ABCA8: variants seen among roughly 807,000 people sequenced by gnomAD.
The protein encoded by ABCA8 is ABC-type organic anion transporter ABCA8.
Under a neutral mutation model 192.3 loss-of-function variants are expected in ABCA8, and 177 were observed. The observed-to-expected ratio is 0.92, with a 90% CI of 0.81 to 1.04. ABCA8 has a LOEUF of 1.04. ABCA8 is among the 50% of genes least tolerant of loss of function. The probability of loss-of-function intolerance (pLI) is 0.00; values close to 1 mark genes in which losing one functional copy is unlikely to be tolerated. For missense variants in ABCA8, 1,915 were observed against 1,904.8 expected (o/e 1.01, Z -0.10); for synonymous variants, 642 against 690.2 (o/e 0.93, Z 1.09).
Position 68,895,000 on chromosome 17 carries a change from A to G in ABCA8, c.2778T>C (p.Asp926=). ...GGTGCTCCACAGACTGTATAAAGTC[A>G]TCAATGCTTGCCCCTAAGGTGTAGT... The part of the protein sequence containing the change: ...LIINKTGASI[D]DFIQSVEHQN... Residue 926 remains aspartate (D), a synonymous_variant, in exon 22 of 40, where the codon GAT becomes GAC. Transcript: ENST00000586539. 6.2e-7 allele frequency: 1 copy of G among 1,607,952 alleles called. No individual in the cohort carries two copies. Among genetic ancestry groups the G allele is most frequent in the Non-Finnish European group, 8.5e-7 (1 of 1,177,828 alleles).
intron 1 of ABCA8, among the ~76,000 whole-genome samples, chr17:68,950,222 C>A (rs183973512): frequency 6.6e-6 from 1 of 152,264 alleles, no homozygotes; most frequent in East Asian, 1.9e-4. Context: ...ACATTTCGTG[C>A]TCATAGATAG....
chr17:68,872,201 A>C (rs1421265151), intron 37 of ABCA8, among the ~76,000 whole-genome samples: 1 of 152,032 alleles, frequency 6.6e-6, no homozygotes, highest in Non-Finnish European at 1.5e-5. Flanking sequence ...ACAATGATAG[A>C]CTGGATTAAG....
Position 68,940,819 on chromosome 17 carries a change from T to TG in ABCA8, c.239dup (p.Pro81ThrfsTer12), listed in dbSNP as rs1261535029. On this transcript the variant is annotated frameshift_variant, in exon 4 of 40. Transcript: ENST00000586539. LOFTEE classifies it high-confidence loss of function. ...TCTGTTGGGTCGTGTTGGTGACAGG[T>TG]GTGTATACAACAGAAAATCTGGATT... is the stretch of plus-strand genomic sequence containing the variant. 6.2e-7 allele frequency: 1 copy of TG among 1,613,470 alleles called. No individual in the cohort carries two copies. Among genetic ancestry groups the TG allele is most frequent in the Admixed American group, 1.7e-5 (1 of 59,962 alleles).
At chr17:68,940,467 A>G (rs2068193792) in intron 4 of ABCA8, among the ~76,000 whole-genome samples, 1 of 152,120 alleles carries the variant, frequency 6.6e-6, no homozygotes, top group Non-Finnish European at 1.5e-5. Flanking sequence ...AATGTGCACC[A>G]GTCTGTATAA....
chr17:68,892,462 T>C (rs940991579), intron 23 of ABCA8, among the ~76,000 whole-genome samples: 1 of 152,062 alleles, frequency 6.6e-6, no homozygotes, highest in African/African-American at 2.4e-5. Context: ...GCAGGTAAAG[T>C]AGAATAGAGA....
chr17:68,901,137 CTG>C (rs144116179), intron 21 of ABCA8, among the ~76,000 whole-genome samples: 1,786 of 152,280 alleles, frequency 0.012, 39 homozygotes, highest in African/African-American at 0.04. Flanking sequence ...GTTCACTTCT[CTG>C]AGCATATCTG....
At chr17:68,947,821 G>A (rs979455769) in intron 2 of ABCA8, among the ~76,000 whole-genome samples, 1 of 152,016 alleles carries the variant, frequency 6.6e-6, no homozygotes, top group African/African-American at 2.4e-5. Context: ...GTGGTTTGCT[G>A]CACCTATCAA....
In ABCA8 at chr17:68,906,032, C is replaced by G. The variant is rs376176026; in HGVS notation, c.2398+12G>C. On this transcript the variant is annotated intron_variant, in intron 19 of 39. Transcript: ENST00000586539. ...GTGCTTTTACATAATAATTTTCATG[C>G]ATTTTATTTACCCGATTCATTAATT... 105 of 1,560,728 alleles carry G rather than the reference C, an allele frequency of 6.7e-5. No individual in the cohort carries two copies. The highest frequency in any genetic ancestry group is 8.3e-5 in the Non-Finnish European group (96 of 1,154,224).
chr17:68,938,441 AAG>A (rs1052371434), intron 4 of ABCA8, among the ~76,000 whole-genome samples: 3 of 152,118 alleles, frequency 2.0e-5, no homozygotes, highest in African/African-American at 7.2e-5. Context: ...AAAGGAAAAA[AAG>A]AGGTTATGCA....
At chr17:68,896,225 A>G (rs1234906500) in intron 21 of ABCA8, among the ~76,000 whole-genome samples, 1 of 152,206 alleles carries the variant, frequency 6.6e-6, no homozygotes, top group Non-Finnish European at 1.5e-5. Context: ...GGAGATTGCA[A>G]TTCCCTTGGT....
intron 17 of ABCA8, among the ~76,000 whole-genome samples, chr17:68,915,614 G>T (rs2067335772): frequency 6.6e-6 from 1 of 152,086 alleles, no homozygotes; most frequent in Admixed American, 6.5e-5. Flanking sequence ...TTATCCAAAA[G>T]ACAGGCAATA....
In ABCA8 at chr17:68,911,148, T is replaced by C. The variant is rs1320416916; in HGVS notation, c.2139-3269A>G. On this transcript the variant is annotated intron_variant, in intron 17 of 39. Coordinates refer to ENST00000586539, the MANE Select transcript of ABCA8 (RefSeq NM_001288985.2). The surrounding 1 kb of genome is among the most constrained non-coding windows in gnomAD (Gnocchi z 5.7). ...AGCACCAAGCGGACTCCTGGGGTCC[T>C]GGATTCTAGGCCTTGGCTCCTGGAT... Among the ~76,000 whole-genome samples, 1 of 152,148 alleles carries C rather than the reference T, an allele frequency of 6.6e-6. No individual in the cohort carries two copies. Among genetic ancestry groups the C allele is most frequent in the Non-Finnish European group, 1.5e-5 (1 of 68,016 alleles).
In ABCA8 at chr17:68,940,927, C is replaced by A; in HGVS notation, c.132G>T (p.Leu44Phe). The change falls in exon 4 of 40, where the codon TTG becomes TTT. Residue 44 changes from leucine to phenylalanine, a missense_variant. By Grantham distance (22) the Leu-to-Phe change is conservative. Coordinates refer to ENST00000586539, the MANE Select transcript of ABCA8 (RefSeq NM_001288985.2). ...WLNSLLLLLC[L>F]YIYPHSHQVN... ...CTTGATGACTATGAGGATATATATA[C>A]AAACAAAGTAGTAGGAGCAATGAAT... The A allele has an allele frequency of 3.1e-6, 5 of 1,611,334 alleles. No homozygotes were observed. In the South Asian group the frequency reaches 5.5e-5, roughly 18 times the overall value.
At chr17:68,921,293 A>G in intron 13 of ABCA8, 89 bp downstream of exon 13, 2 of 758,112 alleles carry the variant, frequency 2.6e-6, no homozygotes, top group Non-Finnish European at 4.2e-6. Context: ...TGGCACATGT[A>G]TACATATGTA....
chr17:68,937,250 G>A (rs1290037074), intron 4 of ABCA8, 135 bp from the exon 5 acceptor site: 2 of 748,974 alleles, frequency 2.7e-6, no homozygotes, highest in Non-Finnish European at 4.0e-6. Flanking sequence ...TAGAAAGTTA[G>A]ACTAAAATGT....
At chr17:68,941,341 G>GA (rs2143765255) in intron 3 of ABCA8, among the ~76,000 whole-genome samples, 1 of 152,154 alleles carries the variant, frequency 6.6e-6, no homozygotes, top group African/African-American at 2.4e-5. Flanking sequence ...GATCTTAGGG[G>GA]AAAAAACTTT....
intron 37 of ABCA8, 77 bp from the exon 38 acceptor site, chr17:68,869,856 T>G: frequency 1.1e-6 from 1 of 924,540 alleles, no homozygotes; most frequent in Non-Finnish European, 1.7e-6. Flanking sequence ...CTCTCTGGTC[T>G]TTTTTTTTCT....
rs546397344 is a variant in ABCA8, at chr17:68,934,135, T to C, written c.467-864A>G. Among the ~76,000 whole-genome samples the C allele has an allele frequency of 4.6e-5, 7 of 152,282 alleles. No individual in the cohort carries two copies. In the South Asian group the frequency reaches 1.2e-3, roughly 27 times the overall value. ...CTACTAATAATTACTATGAACTATG[T>C]TCATTTGTTCCATATTATGATTTTG... is the stretch of plus-strand genomic sequence containing the variant. On this transcript the variant is annotated intron_variant, in intron 5 of 39. Coordinates refer to ENST00000586539, the MANE Select transcript of ABCA8 (RefSeq NM_001288985.2).
rs1297750901 is a variant in ABCA8, at chr17:68,887,427, G to A, written c.3224C>T (p.Ser1075Phe). 1.2e-6 allele frequency: 2 copies of A among 1,613,878 alleles called. No homozygotes were observed. Among genetic ancestry groups the A allele is most frequent in the East Asian group, 2.2e-5 (1 of 44,874 alleles). The stretch of plus-strand genomic sequence containing the variant: ...AAAAACGAAGACCAAGAAGTACAGG[G>A]AAACATCCACCAGCGCCTGCCCAAA... Reference protein sequence around the residue: ...YWFGQALVDVSLYFLVFVFIY... With the variant: ...YWFGQALVDVFLYFLVFVFIY... Residue 1075 changes from serine to phenylalanine, a missense_variant, in exon 25 of 40, where the codon TCC (serine) becomes TTC (phenylalanine). Coordinates refer to ENST00000586539, the MANE Select transcript of ABCA8 (RefSeq NM_001288985.2).
Sources: gnomAD v4.1 joint callset for allele counts (sites outside exome capture counted in the v4.1 genomes callset) on GRCh38, gnomAD v4.1.1 for gene constraint, Gnocchi (gnomAD v3.1) non-coding constraint, MANE v1.5 for transcripts, NCBI Gene and HGNC (gene_info 2026-07-23, HGNC 2026-07-21) for gene names.